ACTR8: variants seen among roughly 807,000 people sequenced by gnomAD.
ACTR8 encodes actin-related protein 8.
In ACTR8, 70 loss-of-function variants were observed where a neutral mutation model predicts 84.3. The observed-to-expected ratio is 0.83, with a 90% CI of 0.68 to 1.01. ACTR8 has a LOEUF of 1.01. Ranked by LOEUF, ACTR8 falls within the 50% of genes least tolerant of loss-of-function variation. ACTR8 has a pLI of 0.00. For missense variants in ACTR8, 672 were observed against 775.4 expected, an observed-to-expected ratio of 0.87 and a Z score of 1.58; for synonymous variants, 268 against 275.2, an observed-to-expected ratio of 0.97 and a Z score of 0.26.
intron 7 of ACTR8, among the ~76,000 whole-genome samples, chr3:53,874,992 A>ATG (rs1699945085): frequency 2.0e-5 from 3 of 152,196 alleles, no homozygotes; most frequent in Admixed American, 6.5e-5. Flanking sequence ...GGTGGTCTAC[A>ATG]CTCACTAGCA....
chr3:53,863,155 A>G (rs1699628153), downstream of ACTR8, among the ~76,000 whole-genome samples: 1 of 152,190 alleles, frequency 6.6e-6, no homozygotes, highest in Non-Finnish European at 1.5e-5. Flanking sequence ...CATGCAAAAT[A>G]TGTGTTAATT....
downstream of ACTR8, chr3:53,864,797 A>T (rs1699722105): frequency 6.2e-7 from 1 of 1,613,962 alleles, no homozygotes; most frequent in Non-Finnish European, 8.5e-7. Context: ...CCCCCCATTA[A>T]GGTTCTTGTG....
intron 5 of ACTR8, among the ~76,000 whole-genome samples, 190 bp downstream of exon 5, chr3:53,877,022 CAG>C (rs961003368): frequency 7.9e-5 from 12 of 151,190 alleles, no homozygotes; most frequent in Admixed American, 4.0e-4. Flanking sequence ...ACCAAAGAAA[CAG>C]AGAAAGAAAA....
chr3:53,876,202 G>T (rs1699965611), intron 6 of ACTR8, 122 bp from the exon 7 acceptor site: 1 of 1,202,260 alleles, frequency 8.3e-7, no homozygotes, highest in Non-Finnish European at 1.2e-6. Context: ...GAGGAACACT[G>T]ATCCTTTCAG....
At chr3:53,864,695 A>G (rs1300952671), downstream of ACTR8, 14 of 1,359,080 alleles carry the variant, frequency 1.0e-5, no homozygotes, top group Non-Finnish European at 1.3e-5. Flanking sequence ...TACAGAGTGA[A>G]AGCCTGCTGT....
intron 1 of ACTR8, among the ~76,000 whole-genome samples, chr3:53,881,051 A>G (rs1700050646): frequency 6.6e-6 from 1 of 152,238 alleles, no homozygotes; most frequent in African/African-American, 2.4e-5. Flanking sequence ...AGGCCCTTAC[A>G]GACCATCCAG....
rs1384198630 is a variant in ACTR8, at chr3:53,868,772, ACT to A, written c.1820_1821del (p.Glu607ValfsTer45). 6.2e-7 allele frequency: 1 copy of A among 1,614,160 alleles called. No individual in the cohort carries two copies. The highest frequency in any genetic ancestry group is 1.7e-5 in the Admixed American group (1 of 60,026). On this transcript the variant is annotated frameshift_variant, in exon 13 of 13. Transcript: ENST00000335754. LOFTEE classifies it high-confidence loss of function. ...AACATGCGGACACCAAAGCGCTGCC[ACT>A]CTCGCTGATAAATCCACAGTTCCTG... ...TTQELWIYQR[E>X]WQRFGVRMLR...
At chr3:53,863,543 A>G (rs1699649559), downstream of ACTR8, among the ~76,000 whole-genome samples, 1 of 152,210 alleles carries the variant, frequency 6.6e-6, no homozygotes, top group African/African-American at 2.4e-5. Flanking sequence ...GAATTCTTAC[A>G]TTTAGGGATG....
At chr3:53,864,515 A>G (rs1290266836), downstream of ACTR8, among the ~76,000 whole-genome samples, 1 of 152,128 alleles carries the variant, frequency 6.6e-6, no homozygotes, top group Non-Finnish European at 1.5e-5. Flanking sequence ...AGCCTGGGCG[A>G]CAGAGTGAGA....
chr3:53,863,367 C>T (rs562188259), downstream of ACTR8, among the ~76,000 whole-genome samples: 13 of 152,188 alleles, frequency 8.5e-5, no homozygotes, highest in South Asian at 1.7e-3. Flanking sequence ...GAAACCAGAG[C>T]ATTTACATAC....
downstream of ACTR8, chr3:53,865,883 A>G (rs1337872194): frequency 6.6e-6 from 1 of 152,238 alleles, no homozygotes; most frequent in Non-Finnish European, 1.5e-5. Context: ...AACTAGATTC[A>G]TATCTTGATT....
chr3:53,860,477 T>C, the ACTR8 span: 3 of 345,440 alleles, frequency 8.7e-6, no homozygotes, highest in African/African-American at 6.2e-5. Context: ...CATTGAGCCT[T>C]CTACCAGTAC....
At chr3:53,872,712 C>G (rs571378641) in intron 9 of ACTR8, among the ~76,000 whole-genome samples, 188 bp from the exon 10 acceptor site, 2 of 152,288 alleles carry the variant, frequency 1.3e-5, no homozygotes, top group South Asian at 4.2e-4. Flanking sequence ...CACTCATCAT[C>G]CAACCAGATG....
Position 53,871,424 on chromosome 3 carries a change from A to T in ACTR8, c.1375T>A (p.Ser459Thr). Residue 459 changes from serine (S) to threonine (T), a missense_variant, in exon 11 of 13, where the codon TCC (serine) becomes ACC (threonine). By Grantham distance (58) the Ser-to-Thr change is moderately conservative. Coordinates refer to ENST00000335754, the MANE Select transcript of ACTR8 (RefSeq NM_022899.5). The stretch of plus-strand genomic sequence containing the variant: ...TGGAGTCTTTCTGGAAGATCAGAGG[A>T]CTGGCCACGAAGATCCCCTTCAAAT... The part of the protein sequence containing the change: ...IGFEGDLRGQ[S>T]SDLPERLHSQ... 2.5e-6 allele frequency: 4 copies of T among 1,614,216 alleles called. No homozygotes were observed. Among genetic ancestry groups the T allele is most frequent in the South Asian group, 1.1e-5 (1 of 91,090 alleles).
chr3:53,876,909 A>G (rs1699982931), intron 5 of ACTR8, among the ~76,000 whole-genome samples, 196 bp from the exon 6 acceptor site: 1 of 152,084 alleles, frequency 6.6e-6, no homozygotes, highest in South Asian at 2.1e-4. Context: ...TTTCCTTGAA[A>G]TTTTTAAAAA....
chr3:53,859,935 G>A, the ACTR8 span: 5 of 462,516 alleles, frequency 1.1e-5, no homozygotes, highest in Non-Finnish European at 1.6e-5. Flanking sequence ...GCTTGAACCC[G>A]GGAGACGGAG....
chr3:53,870,505 G>A lies in ACTR8; in HGVS notation c.1568-360C>T, dbSNP rs1045041614. 6.6e-6 allele frequency among the ~76,000 whole-genome samples: 1 copy of A among 152,114 alleles called. No individual in the cohort carries two copies. Among genetic ancestry groups the A allele is most frequent in the Non-Finnish European group, 1.5e-5 (1 of 68,036 alleles). ...GTCTCTACTAAAAATACAAAAAGTA[G>A]CCGGGCATGGTAGCGTGCGCCTGTA... On this transcript the variant is annotated intron_variant, in intron 11 of 12. Transcript: ENST00000335754. This position sits in a 1 kb window ranked among gnomAD's most constrained non-coding sequence, Gnocchi z 4.1.
At chr3:53,869,112 T>C (rs1367642287) in intron 12 of ACTR8, among the ~76,000 whole-genome samples, 1 of 152,134 alleles carries the variant, frequency 6.6e-6, no homozygotes, top group Non-Finnish European at 1.5e-5. Context: ...GAATGCCGCC[T>C]CTACTAAAAA....
Position 53,882,093 on chromosome 3 carries a change from C to T in ACTR8, c.9G>A (p.Gln3=). MT[Q]AEKGDTENGK... ...CGTTCTCCGTATCACCCTTCTCAGC[C>T]TGGGTCATTATGGCCGGAGACACCC... is the stretch of plus-strand genomic sequence containing the variant. Residue 3 remains glutamine, a synonymous_variant, in exon 1 of 13, where the codon CAG becomes CAA. Coordinates refer to ENST00000335754, the MANE Select transcript of ACTR8 (RefSeq NM_022899.5). 1.9e-6 allele frequency: 3 copies of T among 1,551,564 alleles called. No individual in the cohort carries two copies. The highest frequency in any genetic ancestry group is 2.6e-6 in the Non-Finnish European group (3 of 1,146,820).
Sources: allele counts gnomAD v4.1 joint callset (sites outside exome capture counted in the v4.1 genomes callset), GRCh38; gene constraint gnomAD v4.1.1; non-coding constraint Gnocchi (gnomAD v3.1); transcripts MANE v1.5; gene names NCBI Gene and HGNC (gene_info 2026-07-23, HGNC 2026-07-21).